Variants in CSRP1 observed in about 807,000 individuals in gnomAD.
CSRP1 encodes cysteine and glycine rich protein 1, also known as cysteine and glycine-rich protein 1.
In CSRP1, 16 loss-of-function variants were observed where a neutral mutation model predicts 25.4. That is an observed-to-expected ratio of 0.63 (90% CI 0.43 to 0.96). The LOEUF (loss-of-function observed/expected upper bound fraction) is 0.96. CSRP1 is among the 40% of genes least tolerant of loss of function. The pLI, the probability that CSRP1 is intolerant of heterozygous loss-of-function variation, is 0.00. For synonymous variants in CSRP1, 97 were observed against 95.3 expected (o/e 1.02, Z -0.10); for missense variants, 212 against 243.6 (o/e 0.87, Z 0.86).
At chr1:201,499,024 C>T (rs1197000922) in intron 1 of CSRP1, among the ~76,000 whole-genome samples, 1 of 152,212 alleles carries the variant, frequency 6.6e-6, no homozygotes, top group Non-Finnish European at 1.5e-5. Context: ...TGCTCACATC[C>T]CCATCTCTGT....
At position 201,490,235 on chromosome 1, in the gene CSRP1, C is replaced by A; in HGVS notation, c.222G>T (p.Gly74=). The change falls in exon 3 of 6, where the codon GGG becomes GGT. Residue 74 remains glycine (G), a synonymous_variant. Transcript: ENST00000340006. ...KKYGPKGYGY[G]QGAGTLSTDK... is the part of the protein sequence containing the mutation. The stretch of plus-strand genomic sequence containing the variant: ...CAGTGCTGAGGGTGCCTGCGCCCTG[C>A]CCGTAGCCATAGCCTTTGGGCCCAT... 6.2e-7 allele frequency: 1 copy of A among 1,614,178 alleles called. No individual in the cohort carries two copies. The highest frequency in any genetic ancestry group is 8.5e-7 in the Non-Finnish European group (1 of 1,180,036).
At chr1:201,505,052 G>A (rs990989218) in intron 1 of CSRP1, among the ~76,000 whole-genome samples, 28 of 152,274 alleles carry the variant, frequency 1.8e-4, no homozygotes, top group African/African-American at 6.3e-4. Context: ...GTGAGCCAAT[G>A]TCACGCCATT....
chr1:201,489,052 G>A, intron 3 of CSRP1, 68 bp from the exon 4 acceptor site: 2 of 1,592,478 alleles, frequency 1.3e-6, no homozygotes, highest in South Asian at 2.2e-5. Context: ...GCACTGAGAG[G>A]GCATGACCCT....
chr1:201,506,058 T>C (rs1187849667), intron 1 of CSRP1, among the ~76,000 whole-genome samples: 1 of 152,214 alleles, frequency 6.6e-6, no homozygotes, highest in Non-Finnish European at 1.5e-5. Flanking sequence ...AGAAGTTAAA[T>C]AGTTTGTCCA....
intron 2 of CSRP1, among the ~76,000 whole-genome samples, chr1:201,493,251 C>T (rs1664400221): frequency 6.6e-6 from 1 of 152,230 alleles, no homozygotes; most frequent in Non-Finnish European, 1.5e-5. Flanking sequence ...ATTCTCCCCA[C>T]CTTTGCCTAT....
At chr1:201,494,762 G>T (rs544569060) in intron 2 of CSRP1, among the ~76,000 whole-genome samples, 7 of 152,346 alleles carry the variant, frequency 4.6e-5, no homozygotes, top group Admixed American at 4.6e-4. Context: ...ATCTTCAGGG[G>T]CCTCAGACCC....
At chr1:201,496,097 G>T in intron 2 of CSRP1, 95 bp downstream of exon 2, 1 of 891,732 alleles carries the variant, frequency 1.1e-6, no homozygotes, top group South Asian at 1.3e-5. Flanking sequence ...CATCCCATGG[G>T]ATCAGTTCCC....
chr1:201,487,077 T>G lies in CSRP1; in HGVS notation c.412-1701A>C. ...ACTGTACTGAGGACATACCAGGCAC[T>G]ACATTGCACATTATACATGTACTAT... On this transcript the variant is annotated intron_variant, in intron 4 of 5. Transcript: ENST00000340006. The G allele has an allele frequency of 3.3e-6, 3 of 907,924 alleles. No individual in the cohort carries two copies. The South Asian group carries it at 4.3e-5, about 13-fold the overall frequency. 56.2% of individuals were successfully genotyped at this position (907,924 alleles called of 1,614,324 possible). A position where few individuals can be genotyped will look rare whatever the true frequency, so the allele number is the denominator to read the frequency against.
intron 3 of CSRP1, chr1:201,489,834 C>G: frequency 5.2e-6 from 1 of 194,076 alleles, no homozygotes; most frequent in South Asian, 1.2e-4. Flanking sequence ...TGTACCACTG[C>G]ACTCCAGCCT....
chr1:201,502,476 G>C (rs1335862438), intron 1 of CSRP1, among the ~76,000 whole-genome samples: 6 of 152,228 alleles, frequency 3.9e-5, no homozygotes, highest in African/African-American at 1.4e-4. Context: ...TGAGAGCTCA[G>C]GAAATCAGCC....
chr1:201,500,327 G>A (rs1022454129), intron 1 of CSRP1, among the ~76,000 whole-genome samples: 7 of 152,214 alleles, frequency 4.6e-5, no homozygotes, highest in African/African-American at 1.7e-4. Context: ...TTCTCCCTCT[G>A]GGGGAGACCC....
At position 201,493,436 on chromosome 1, in the gene CSRP1, G is replaced by A. The variant is rs191798944; in HGVS notation, c.112+2756C>T. ...TGAAAAAGTCTTACAAGATCTGATG[G>A]TTATATAAATGGGAGTTCCCCCATA... On this transcript the variant is annotated intron_variant, in intron 2 of 5. Transcript: ENST00000340006. Among the ~76,000 whole-genome samples, 176 of 152,334 alleles carry A rather than the reference G, an allele frequency of 1.2e-3. 5 individuals carry two copies. Among genetic ancestry groups the A allele is most frequent in the Non-Finnish European group, 1.8e-4 (12 of 68,030 alleles).
chr1:201,489,934 C>T (rs1258572787), intron 3 of CSRP1: 1 of 432,934 alleles, frequency 2.3e-6, no homozygotes, highest in African/African-American at 2.0e-5. Context: ...AGCTCTGACT[C>T]TCATACAAAT....
chr1:201,498,232 C>T (rs1051788279), intron 1 of CSRP1, among the ~76,000 whole-genome samples: 2 of 152,176 alleles, frequency 1.3e-5, no homozygotes, highest in Admixed American at 6.5e-5. Flanking sequence ...CCATTTCACT[C>T]GCTCACTCAA....
intron 1 of CSRP1, among the ~76,000 whole-genome samples, chr1:201,505,631 C>T (rs1023852835): frequency 9.8e-5 from 15 of 152,364 alleles, no homozygotes; most frequent in Middle Eastern, 3.4e-3. Flanking sequence ...TGACTGCCTC[C>T]GCCCCGGATA....
intron 1 of CSRP1, among the ~76,000 whole-genome samples, chr1:201,505,249 C>A (rs1216337647): frequency 6.6e-6 from 1 of 152,192 alleles, no homozygotes; most frequent in Non-Finnish European, 1.5e-5. Context: ...ACCATTGCTA[C>A]CCCACTCATT....
rs1032538521 is a variant in CSRP1 at position 201,487,669 on chromosome 1, A to G, written c.411+1186T>C. 1.1e-4 allele frequency: 16 copies of G among 152,204 alleles called. 1 individual carries two copies. The highest frequency in any genetic ancestry group is 3.9e-4 in the African/African-American group (16 of 41,436). 9.4% of individuals were successfully genotyped at this position (152,204 alleles called of 1,614,324 possible). ...TGCAGCCTTGGAAATGGGTTTGAAG[A>G]GGCTAAATGGCCCAAAGTAGCATTA... On this transcript the variant is annotated intron_variant, in intron 4 of 5. Coordinates refer to ENST00000340006, the MANE Select transcript of CSRP1 (RefSeq NM_004078.3).
In CSRP1 at chr1:201,496,308, A is replaced by G. The variant is rs779233422; in HGVS notation, c.-1-4T>C. 3 of 1,604,266 alleles carry G rather than the reference A, an allele frequency of 1.9e-6. No individual in the cohort carries two copies. The highest frequency in any genetic ancestry group is 3.3e-5 in the Admixed American group (2 of 60,006). On this transcript the variant is annotated splice_polypyrimidine_tract_variant and splice_region_variant and intron_variant, in intron 1 of 5. Transcript: ENST00000340006. ...GCCTCCTCCCCAGTTCGGCATTCTGAAAAGGGACACAGAAATGGGAATTAA... is the reference window on the plus strand; with the variant it reads ...GCCTCCTCCCCAGTTCGGCATTCTGGAAAGGGACACAGAAATGGGAATTAA...
rs547902301 is a variant in CSRP1, at chr1:201,505,991, G to C, written c.-2+1079C>G. On this transcript the variant is annotated intron_variant, in intron 1 of 5. Coordinates refer to ENST00000340006, the MANE Select transcript of CSRP1 (RefSeq NM_004078.3). ...GTAACTGAGAGATCACTCCTGTGTT[G>C]GAGGTTCTGTGTAATATGCTCCCCA... Among the ~76,000 whole-genome samples, 125 of 152,320 alleles carry C rather than the reference G, an allele frequency of 8.2e-4. 2 individuals carry two copies. Among genetic ancestry groups the C allele is most frequent in the African/African-American group, 2.9e-3 (120 of 41,558 alleles).
Sources: gnomAD v4.1 joint callset for allele counts (sites outside exome capture counted in the v4.1 genomes callset) on GRCh38, gnomAD v4.1.1 for gene constraint, MANE v1.5 for transcripts, NCBI Gene and HGNC (gene_info 2026-07-23, HGNC 2026-07-21) for gene names.